The following SORCS1 variants were observed in gnomAD, a reference collection of about 807,000 sequenced individuals.
SORCS1 encodes the protein sortilin related VPS10 domain containing receptor 1, also known as VPS10 domain-containing receptor SorCS1.
Under a neutral mutation model 146.1 loss-of-function variants are expected in SORCS1, and 60 were observed. That is an observed-to-expected ratio of 0.41 (90% CI 0.33 to 0.51). SORCS1 has a LOEUF of 0.51. SORCS1 is among the 20% of genes least tolerant of loss of function. The pLI, the probability that SORCS1 is intolerant of heterozygous loss-of-function variation, is 0.21. For synonymous variants in SORCS1, 637 were observed against 584.0 expected (o/e 1.09, Z -1.31); for missense variants, 1,352 against 1,487.6 (o/e 0.91, Z 1.50).
chr10:106,906,601 C>A (rs1461447993), intron 2 of SORCS1, among the ~76,000 whole-genome samples: 1 of 152,156 alleles, frequency 6.6e-6, no homozygotes, highest in African/African-American at 2.4e-5. Context: ...CAGAATAGCA[C>A]AGGAAAGACT....
intron 4 of SORCS1, among the ~76,000 whole-genome samples, chr10:106,774,663 G>A (rs1334554606): frequency 6.6e-6 from 1 of 152,106 alleles, no homozygotes; most frequent in East Asian, 1.9e-4. Flanking sequence ...CAGATCACTA[G>A]ATCTCTATCT....
At chr10:106,775,406 G>T (rs1422033940) in intron 4 of SORCS1, among the ~76,000 whole-genome samples, 4 of 152,292 alleles carry the variant, frequency 2.6e-5, no homozygotes, top group South Asian at 4.1e-4. Flanking sequence ...CTATTTTTAG[G>T]ATTAATGTGC....
At chr10:106,651,551 GTC>G (rs1472160147) in intron 18 of SORCS1, among the ~76,000 whole-genome samples, 2 of 152,204 alleles carry the variant, frequency 1.3e-5, no homozygotes, top group African/African-American at 4.8e-5. Flanking sequence ...GAAGTTGGAA[GTC>G]AATGTTATGT....
chr10:106,802,847 C>T (rs1430065897), intron 3 of SORCS1, among the ~76,000 whole-genome samples: 2 of 152,010 alleles, frequency 1.3e-5, no homozygotes, highest in Admixed American at 6.6e-5. Context: ...GTTGGCCAGG[C>T]TGGTCTCAAA....
At chr10:107,146,059 A>G (rs1968296235) in intron 1 of SORCS1, among the ~76,000 whole-genome samples, 1 of 152,210 alleles carries the variant, frequency 6.6e-6, no homozygotes. Context: ...GCATCCTTAT[A>G]TAACAGAATT....
chr10:106,988,223 C>A (rs1234389345), intron 1 of SORCS1, among the ~76,000 whole-genome samples: 1 of 152,192 alleles, frequency 6.6e-6, no homozygotes, highest in African/African-American at 2.4e-5. Flanking sequence ...CTCACTTCCA[C>A]CTGGGGAGCA....
chr10:107,055,208 C>T (rs1960493296), intron 1 of SORCS1, among the ~76,000 whole-genome samples: 1 of 152,178 alleles, frequency 6.6e-6, no homozygotes, highest in Non-Finnish European at 1.5e-5. Flanking sequence ...ATTTTGCCTA[C>T]ATCAACAGCT....
intron 3 of SORCS1, among the ~76,000 whole-genome samples, chr10:106,828,617 A>G (rs960662581): frequency 3.4e-4 from 52 of 152,210 alleles, no homozygotes; most frequent in African/African-American, 1.2e-3. Flanking sequence ...TATGTTAATG[A>G]ATGACACGTT....
rs1966848393 is a variant in SORCS1, at chr10:107,129,648, C to A, written c.558+34321G>T. On this transcript the variant is annotated intron_variant, in intron 1 of 25. Coordinates refer to ENST00000263054, the MANE Select transcript of SORCS1 (RefSeq NM_052918.5). ...TTTAACTTGAAAATGGGAGTGTGTT[C>A]TTGTCATCTTACATTCCAAAGGCTT... Among the ~76,000 whole-genome samples the A allele has an allele frequency of 2.0e-5, 3 of 152,204 alleles. No individual in the cohort carries two copies. The South Asian group carries it at 6.2e-4, about 32-fold the overall frequency.
intron 6 of SORCS1, among the ~76,000 whole-genome samples, chr10:106,727,693 A>T (rs1451326870): frequency 6.6e-6 from 1 of 152,142 alleles, no homozygotes; most frequent in African/African-American, 2.4e-5. Context: ...AAAATAAGAA[A>T]CTCATTTAGA....
At chr10:106,801,355 T>C (rs1946860657) in intron 3 of SORCS1, among the ~76,000 whole-genome samples, 1 of 152,094 alleles carries the variant, frequency 6.6e-6, no homozygotes, top group Non-Finnish European at 1.5e-5. Context: ...CTAAATGTGC[T>C]TTATATATTA....
At chr10:106,633,031 AAGAG>A (rs1347735135) in intron 18 of SORCS1, among the ~76,000 whole-genome samples, 1 of 151,994 alleles carries the variant, frequency 6.6e-6, no homozygotes, top group East Asian at 1.9e-4. Flanking sequence ...AAGGAGGAAA[AAGAG>A]AGAGAGAACA....
chr10:106,787,031 G>C (rs1444220697), intron 3 of SORCS1, among the ~76,000 whole-genome samples: 1 of 152,112 alleles, frequency 6.6e-6, no homozygotes, highest in Non-Finnish European at 1.5e-5. Flanking sequence ...TGAATTTTCA[G>C]GGTACATAAA....
chr10:107,003,420 A>G (rs966596439), intron 1 of SORCS1, among the ~76,000 whole-genome samples: 18 of 142,432 alleles, frequency 1.3e-4, no homozygotes, highest in Non-Finnish European at 2.3e-4. Flanking sequence ...AGAATAATAA[A>G]TTCCCATAAG....
intron 1 of SORCS1, among the ~76,000 whole-genome samples, chr10:107,103,054 C>T (rs1275733018): frequency 7.9e-5 from 12 of 152,158 alleles, no homozygotes; most frequent in African/African-American, 1.4e-4. Context: ...CACTCCTGCC[C>T]GGGCAGTTGC....
chr10:106,864,590 A>T (rs1441163025), intron 2 of SORCS1, among the ~76,000 whole-genome samples: 1 of 152,152 alleles, frequency 6.6e-6, no homozygotes, highest in Non-Finnish European at 1.5e-5. Context: ...CCCTCAGGAA[A>T]AGGCTGAATC....
At chr10:106,934,591 A>G (rs1564827034) in intron 2 of SORCS1, among the ~76,000 whole-genome samples, 1 of 152,142 alleles carries the variant, frequency 6.6e-6, no homozygotes, top group Non-Finnish European at 1.5e-5. Context: ...CTAAAAGTAG[A>G]TCTACCATTC....
chr10:107,027,861 T>C (rs547579159), intron 1 of SORCS1, among the ~76,000 whole-genome samples: 5 of 152,332 alleles, frequency 3.3e-5, no homozygotes, highest in African/African-American at 1.2e-4. Context: ...CAATTACTCG[T>C]TGGCCTGCCT....
intron 4 of SORCS1, among the ~76,000 whole-genome samples, chr10:106,762,947 G>A (rs1056454690): frequency 6.6e-6 from 1 of 151,986 alleles, no homozygotes; most frequent in Non-Finnish European, 1.5e-5. Context: ...ACAACAGCAG[G>A]CACCCAACCC....
Sources: allele counts gnomAD v4.1 joint callset (sites outside exome capture counted in the v4.1 genomes callset), GRCh38; gene constraint gnomAD v4.1.1; transcripts MANE v1.5; gene names NCBI Gene and HGNC (gene_info 2026-07-23, HGNC 2026-07-21).